The following NFATC3 variants were observed in gnomAD, a reference collection of about 807,000 sequenced individuals.
The protein encoded by NFATC3 is nuclear factor of activated T-cells, cytoplasmic 3.
In NFATC3, 46 loss-of-function variants were observed where a neutral mutation model predicts 98.6. The ratio of observed to expected loss-of-function variants is 0.47; its 90% CI spans 0.37 to 0.60. NFATC3 has a LOEUF of 0.60. NFATC3 is among the 20% of genes least tolerant of loss of function. NFATC3 has a pLI of 0.00. For synonymous variants in NFATC3, 512 were observed against 472.2 expected (o/e 1.08, Z -1.09); for missense variants, 1,256 against 1,295.5 (o/e 0.97, Z 0.47).
At chr16:68,167,807 G>GT (rs1263970399) in intron 5 of NFATC3, among the ~76,000 whole-genome samples, 24 of 23,618 alleles carry the variant, frequency 1.0e-3, no homozygotes, top group Non-Finnish European at 2.1e-3. Context: ...AACCGTATGT[G>GT]TTCTTTTTTT....
chr16:68,118,929 G>A (rs995096412), intron 1 of NFATC3, among the ~76,000 whole-genome samples: 12 of 152,024 alleles, frequency 7.9e-5, no homozygotes, highest in South Asian at 6.2e-4. Flanking sequence ...GTGCAATGGC[G>A]CGATCTTGGC....
chr16:68,221,622 T>C (rs2041867621), intron 9 of NFATC3: 1 of 1,042,686 alleles, frequency 9.6e-7, no homozygotes, highest in Non-Finnish European at 1.2e-6. Flanking sequence ...ATCTCCTGAC[T>C]GCTGGTGAAT....
chr16:68,148,231 G>T (rs1003858752), intron 3 of NFATC3, among the ~76,000 whole-genome samples: 4 of 152,068 alleles, frequency 2.6e-5, no homozygotes, highest in Admixed American at 1.3e-4. Context: ...GGTCAGGCTG[G>T]TCTCGAACTC....
chr16:68,183,308 T>G lies in NFATC3; in HGVS notation c.2040T>G (p.Phe680Leu). Residue 680 changes from phenylalanine to leucine, a missense_variant, in exon 8 of 10, where the codon TTT (phenylalanine) becomes TTG (leucine). Transcript: ENST00000346183. ...PAVTAAVQVH[F>L]YLCNGKRKKS... ...TTACAGCTGCAGTGCAGGTGCACTT[T>G]TATCTTTGCAATGGCAAGAGGAAAA... is the stretch of plus-strand genomic sequence containing the variant. 1 of 1,613,542 alleles carries G rather than the reference T, an allele frequency of 6.2e-7. No homozygotes were observed.
At chr16:68,100,898 TGTGTGTGGG>T (rs1293693872) in intron 1 of NFATC3, among the ~76,000 whole-genome samples, 3 of 144,722 alleles carry the variant, frequency 2.1e-5, no homozygotes, top group Non-Finnish European at 4.6e-5. Context: ...TGTGTGTGTG[TGTGTGTGGG>T]GTGTGTGTGT....
At chr16:68,134,260 C>G (rs558894872) in intron 3 of NFATC3, among the ~76,000 whole-genome samples, 2 of 152,292 alleles carry the variant, frequency 1.3e-5, no homozygotes, top group South Asian at 4.2e-4. Flanking sequence ...CTCATGGGCT[C>G]AAGCGATCTT....
At position 68,174,447 on chromosome 16, in the gene NFATC3, T is replaced by C. The variant is rs2039598652; in HGVS notation, c.1848T>C (p.His616=). ...ACAGTTGTTCTGTAAATGGAGGTCA[T>C]GAAATGGTTGTGACTGGATCTAATT... ...SINSCSVNGG[H]EMVVTGSNFL... is the part of the protein sequence containing the mutation. Residue 616 remains histidine (H), a synonymous_variant, in exon 6 of 10, where the codon CAT becomes CAC. Coordinates refer to ENST00000346183, the MANE Select transcript of NFATC3 (RefSeq NM_173165.3). 6.2e-7 allele frequency: 1 copy of C among 1,606,920 alleles called. No homozygotes were observed. Among genetic ancestry groups the C allele is most frequent in the African/African-American group, 1.3e-5 (1 of 74,754 alleles).
chr16:68,091,042 C>T (rs772479119), intron 1 of NFATC3, among the ~76,000 whole-genome samples: 2 of 152,040 alleles, frequency 1.3e-5, no homozygotes, highest in Non-Finnish European at 2.9e-5. Context: ...GGGGAAAAAT[C>T]GAGGAAAAAT....
At chr16:68,134,983 CTT>C (rs138198329) in intron 3 of NFATC3, among the ~76,000 whole-genome samples, 2 of 148,036 alleles carry the variant, frequency 1.4e-5, no homozygotes, top group African/African-American at 2.5e-5. Context: ...GATACAGTCT[CTT>C]TTTTTTTTAT....
intron 9 of NFATC3, among the ~76,000 whole-genome samples, chr16:68,219,741 G>A (rs971743619): frequency 1.3e-5 from 2 of 152,074 alleles, no homozygotes; most frequent in African/African-American, 2.4e-5. Context: ...AAAATACCCC[G>A]AAATCCTTTA....
intron 3 of NFATC3, among the ~76,000 whole-genome samples, chr16:68,127,728 G>A (rs1018966931): frequency 1.3e-5 from 2 of 151,484 alleles, no homozygotes; most frequent in African/African-American, 4.8e-5. Flanking sequence ...TCTTTCTAAG[G>A]TCAAAAAAAG....
intron 3 of NFATC3, among the ~76,000 whole-genome samples, chr16:68,156,807 T>G (rs748653772): frequency 7.3e-5 from 11 of 151,552 alleles, no homozygotes; most frequent in Non-Finnish European, 1.5e-4. Context: ...GGCATGTTGG[T>G]GGGTGCCTGT....
At chr16:68,133,139 G>T (rs1291192078) in intron 3 of NFATC3, among the ~76,000 whole-genome samples, 1 of 152,132 alleles carries the variant, frequency 6.6e-6, no homozygotes, top group Non-Finnish European at 1.5e-5. Context: ...GGTGGCACAT[G>T]CCTGTAATCT....
In NFATC3 at chr16:68,191,147, A is replaced by C. The variant is rs755796955; in HGVS notation, c.2478A>C (p.Glu826Asp). The change falls in exon 9 of 10, where the codon GAA becomes GAC. Residue 826 changes from glutamate to aspartate, a missense_variant. By Grantham distance (45) the Glu-to-Asp change is conservative. Coordinates refer to ENST00000346183, the MANE Select transcript of NFATC3 (RefSeq NM_173165.3). ...CLPINAASSQEFDSVLFQQDA... is the reference protein window; with the variant it reads ...CLPINAASSQDFDSVLFQQDA... The stretch of plus-strand genomic sequence containing the variant: ...CTATTAATGCTGCCTCTAGTCAAGA[A>C]TTTGATTCAGTTTTGTTTCAGCAGG... 1 of 1,614,200 alleles carries C rather than the reference A, an allele frequency of 6.2e-7. No homozygotes were observed. Among genetic ancestry groups the C allele is most frequent in the Non-Finnish European group, 8.5e-7 (1 of 1,180,044 alleles).
chr16:68,191,631 G>T lies in NFATC3; in HGVS notation c.2962G>T (p.Ala988Ser), dbSNP rs745766193. 6.2e-7 allele frequency: 1 copy of T among 1,614,158 alleles called. No individual in the cohort carries two copies. The highest frequency in any genetic ancestry group is 2.2e-5 in the East Asian group (1 of 44,884). The change falls in exon 9 of 10, where the codon GCA (alanine) becomes TCA (serine). Residue 988 changes from alanine (A) to serine (S), a missense_variant. By Grantham distance (99) the Ala-to-Ser change is moderately conservative. Coordinates refer to ENST00000346183, the MANE Select transcript of NFATC3 (RefSeq NM_173165.3). ...AAGTACGGGCCAGGGGGGTCTTTCT[G>T]CACCTTCATCCTTAATATGTCACAG... ...AQSTGQGGLS[A>S]PSSLICHSLC...
intron 5 of NFATC3, among the ~76,000 whole-genome samples, chr16:68,167,995 G>A (rs2039291419): frequency 6.6e-6 from 1 of 151,252 alleles, no homozygotes; most frequent in Non-Finnish European, 1.5e-5. Flanking sequence ...ACCATATCTG[G>A]CTAAGTTTTT....
intron 9 of NFATC3, among the ~76,000 whole-genome samples, chr16:68,205,960 C>T (rs1200579954): frequency 4.0e-5 from 6 of 151,708 alleles, no homozygotes; most frequent in East Asian, 1.9e-4. Context: ...TACAGTGGCA[C>T]CATCTCGGCT....
intron 9 of NFATC3, among the ~76,000 whole-genome samples, chr16:68,207,792 T>TAA (rs1443048901): frequency 1.3e-5 from 2 of 151,952 alleles, no homozygotes; most frequent in East Asian, 3.9e-4. Context: ...GAACCACTAT[T>TAA]TTTTTTAATC....
intron 9 of NFATC3, among the ~76,000 whole-genome samples, chr16:68,198,026 T>A (rs2040746353): frequency 6.6e-6 from 1 of 152,154 alleles, no homozygotes. Context: ...GCTCAGAATT[T>A]CGGGAGTTAT....
Sources: gnomAD v4.1 joint callset for allele counts (sites outside exome capture counted in the v4.1 genomes callset) on GRCh38, gnomAD v4.1.1 for gene constraint, MANE v1.5 for transcripts, NCBI Gene and HGNC (gene_info 2026-07-23, HGNC 2026-07-21) for gene names.